Variants in ABCC1 observed in about 807,000 individuals in gnomAD.
The protein encoded by ABCC1 is multidrug resistance-associated protein 1.
In ABCC1, 83 loss-of-function variants were observed where a neutral mutation model predicts 172.9. That is an observed-to-expected ratio of 0.48 (90% CI 0.40 to 0.58). The LOEUF (loss-of-function observed/expected upper bound fraction) is 0.58, where lower values mean the gene tolerates loss of function less well. ABCC1 is among the 20% of genes least tolerant of loss of function. ABCC1 has a pLI of 0.00. For missense variants in ABCC1, 1,817 were observed against 2,002.7 expected, an observed-to-expected ratio of 0.91 and a Z score of 1.77; for synonymous variants, 937 against 825.2, an observed-to-expected ratio of 1.14 and a Z score of -2.32.
At chr16:16,045,333 G>T (rs1287263367) in intron 8 of ABCC1, among the ~76,000 whole-genome samples, 1 of 145,806 alleles carries the variant, frequency 6.9e-6, no homozygotes, top group Non-Finnish European at 1.5e-5. Flanking sequence ...AGGAGGCAGA[G>T]GTTACAGCAA....
In ABCC1 at chr16:16,044,641, T is replaced by C. The variant is rs757840049; in HGVS notation, c.1001T>C (p.Ile334Thr). The C allele has an allele frequency of 1.2e-6, 2 of 1,614,172 alleles. No homozygotes were observed. Among genetic ancestry groups the C allele is most frequent in the Non-Finnish European group, 8.5e-7 (1 of 1,180,028 alleles). Residue 334 changes from isoleucine to threonine, a missense_variant, in exon 8 of 31, where the codon ATC (isoleucine) becomes ACC (threonine). By Grantham distance (89) the Ile-to-Thr change is moderately conservative. Transcript: ENST00000399410. ...CTCATGAGCTTCTTCTTCAAGGCCA[T>C]CCACGACCTGATGATGTTTTCCGGG... ...YFLMSFFFKA[I>T]HDLMMFSGPQ... is the part of the protein sequence containing the mutation.
At chr16:16,007,696 G>GGATATAT in intron 1 of ABCC1, 120 bp from the exon 2 acceptor site, 1 of 912,380 alleles carries the variant, frequency 1.1e-6, no homozygotes. Context: ...AAAGGTCCTT[G>GGATATAT]GATATATAGG....
Position 16,056,229 on chromosome 16 carries a change from G to T in ABCC1, c.1611G>T (p.Lys537Asn). Residue 537 changes from lysine (K) to asparagine (N), a missense_variant, in exon 12 of 31, where the codon AAG (lysine) becomes AAT (asparagine). By Grantham distance (94) the Lys-to-Asn change is moderately conservative. This residue lies in a region of ABCC1 where 1,412 missense variants were observed against 1,600.3 expected (regional missense o/e 0.88). Transcript: ENST00000399410. ...TGGCCATCAGGCAGGAGGAGCTGAA[G>T]GTGCTGAAGAAGTCTGCCTACCTGT... ...KVLAIRQEEL[K>N]VLKKSAYLSA... 1.2e-6 allele frequency: 2 copies of T among 1,614,240 alleles called. No individual in the cohort carries two copies. The highest frequency in any genetic ancestry group is 8.5e-7 in the Non-Finnish European group (1 of 1,180,046).
intron 23 of ABCC1, among the ~76,000 whole-genome samples, chr16:16,117,441 A>G (rs553958769): frequency 1.2e-3 from 181 of 152,246 alleles, no homozygotes; most frequent in African/African-American, 4.1e-3. Flanking sequence ...TTCAAGATGA[A>G]ATTTGGGTGG....
chr16:16,125,042 G>A (rs2152119799), intron 25 of ABCC1, 127 bp downstream of exon 25: 1 of 1,398,110 alleles, frequency 7.2e-7, no homozygotes, highest in Non-Finnish European at 9.8e-7. Flanking sequence ...AGTTTGAGGA[G>A]CAGGTACAGT....
chr16:16,116,803 G>A (rs1002804270), intron 23 of ABCC1, among the ~76,000 whole-genome samples: 7 of 152,008 alleles, frequency 4.6e-5, no homozygotes, highest in South Asian at 4.1e-4. Flanking sequence ...CAAGTGATCC[G>A]CCCGCCTCAG....
chr16:16,079,256 T>G, intron 15 of ABCC1, 96 bp from the exon 16 acceptor site: 1 of 1,540,516 alleles, frequency 6.5e-7, no homozygotes, highest in Non-Finnish European at 8.8e-7. Flanking sequence ...TCTTTCTCTT[T>G]CTCTACTTGG....
chr16:16,054,543 C>A (rs916326497), intron 11 of ABCC1, among the ~76,000 whole-genome samples: 1 of 151,788 alleles, frequency 6.6e-6, no homozygotes, highest in African/African-American at 2.4e-5. Flanking sequence ...GACGATACCA[C>A]AGGGAGATGA....
intron 20 of ABCC1, among the ~76,000 whole-genome samples, chr16:16,103,784 C>T (rs565266099): frequency 2.0e-5 from 3 of 152,252 alleles, no homozygotes; most frequent in Admixed American, 6.5e-5. Context: ...TCGTAGATGT[C>T]GCTTTTGCCA....
chr16:15,961,000 GTTTTTTTTTT>G (rs745767540), intron 1 of ABCC1, among the ~76,000 whole-genome samples: 1 of 107,686 alleles, frequency 9.3e-6, no homozygotes, highest in Non-Finnish European at 1.9e-5. Context: ...TGAAACGCAG[GTTTTTTTTTT>G]TTTTTTTTTT....
At chr16:16,102,807 G>A (rs1306264160) in intron 20 of ABCC1, 90 bp downstream of exon 20, 1 of 1,289,776 alleles carries the variant, frequency 7.8e-7, no homozygotes, top group Non-Finnish European at 1.1e-6. Context: ...TCAGCCCCCT[G>A]AGGTCCTGGA....
chr16:16,068,531 G>A (rs1567368149), intron 13 of ABCC1, among the ~76,000 whole-genome samples: 1 of 152,204 alleles, frequency 6.6e-6, no homozygotes, highest in Non-Finnish European at 1.5e-5. Context: ...GTTTAATGCA[G>A]CAGGGCTTTC....
intron 24 of ABCC1, among the ~76,000 whole-genome samples, 155 bp downstream of exon 24, chr16:16,122,329 T>G (rs2045205837): frequency 6.6e-6 from 1 of 152,066 alleles, no homozygotes; most frequent in Non-Finnish European, 1.5e-5. Flanking sequence ...GGAGGACAGA[T>G]GAATCATTAA....
At chr16:15,972,009 A>G (rs1037133935) in intron 1 of ABCC1, among the ~76,000 whole-genome samples, 2 of 152,190 alleles carry the variant, frequency 1.3e-5, no homozygotes, top group African/African-American at 4.8e-5. Flanking sequence ...AAATAAAATA[A>G]CATGCGTTGA....
chr16:15,968,545 T>G (rs1019761856), intron 1 of ABCC1, among the ~76,000 whole-genome samples: 2 of 151,764 alleles, frequency 1.3e-5, no homozygotes, highest in African/African-American at 4.8e-5. Context: ...TCTAGCTAAT[T>G]TTTGTATTTT....
intron 6 of ABCC1, 120 bp downstream of exon 6, chr16:16,033,290 G>A: frequency 9.9e-7 from 1 of 1,008,746 alleles, no homozygotes; most frequent in Non-Finnish European, 1.5e-6. Flanking sequence ...CTTCTGCAGA[G>A]TTGTCTTGAA....
chr16:16,113,921 C>T (rs926542172), intron 22 of ABCC1, among the ~76,000 whole-genome samples: 5 of 152,194 alleles, frequency 3.3e-5, no homozygotes, highest in Admixed American at 1.3e-4. Flanking sequence ...CAATAGGGTT[C>T]GCACTGCTAG....
intron 15 of ABCC1, among the ~76,000 whole-genome samples, chr16:16,076,629 G>A (rs1382122926): frequency 6.6e-6 from 1 of 152,206 alleles, no homozygotes; most frequent in Non-Finnish European, 1.5e-5. Context: ...GGGATTGTAA[G>A]TTACAGCAGC....
At chr16:16,102,254 C>T (rs183300786) in intron 19 of ABCC1, among the ~76,000 whole-genome samples, 1 of 152,312 alleles carries the variant, frequency 6.6e-6, no homozygotes, top group Non-Finnish European at 1.5e-5. Flanking sequence ...ATGCCCTTTC[C>T]CTCATGCGTT....
Sources: gnomAD v4.1 joint callset for allele counts (sites outside exome capture counted in the v4.1 genomes callset) on GRCh38, gnomAD v4.1.1 for gene constraint, gnomAD v4.1.1 regional missense constraint, MANE v1.5 for transcripts, NCBI Gene and HGNC (gene_info 2026-07-23, HGNC 2026-07-21) for gene names.